Variants in MYO3B observed in about 807,000 individuals in gnomAD.
The protein encoded by MYO3B is myosin IIIB.
In MYO3B, 156 loss-of-function variants were observed where a neutral mutation model predicts 174.6. The ratio of observed to expected loss-of-function variants is 0.89; its 90% CI spans 0.78 to 1.02. The LOEUF is 1.02. MYO3B is among the 50% of genes least tolerant of loss of function. The pLI is 0.00. For missense variants in MYO3B, 1,632 were observed against 1,639.4 expected (o/e 1.00, Z 0.08); for synonymous variants, 563 against 569.1 (o/e 0.99, Z 0.15).
At chr2:170,476,334 C>G (rs969645612) in intron 25 of MYO3B, among the ~76,000 whole-genome samples, 2 of 152,208 alleles carry the variant, frequency 1.3e-5, no homozygotes, top group African/African-American at 4.8e-5. Flanking sequence ...CTCAGTGGAC[C>G]CTCTGCCTTT....
At chr2:170,305,289 T>A (rs1267855658) in intron 7 of MYO3B, among the ~76,000 whole-genome samples, 1 of 152,168 alleles carries the variant, frequency 6.6e-6, no homozygotes, top group Non-Finnish European at 1.5e-5. Flanking sequence ...TAGATATGCT[T>A]CTCTACTTTT....
At chr2:170,247,745 C>T (rs1344384595) in intron 7 of MYO3B, among the ~76,000 whole-genome samples, 2 of 152,128 alleles carry the variant, frequency 1.3e-5, no homozygotes, top group Admixed American at 6.5e-5. Context: ...ATGAGGGGGT[C>T]TCTCTTAGGC....
intron 32 of MYO3B, among the ~76,000 whole-genome samples, chr2:170,551,978 A>G (rs548016609): frequency 6.6e-6 from 1 of 152,156 alleles, no homozygotes; most frequent in South Asian, 2.1e-4. Context: ...CCCTTCTGCC[A>G]TGATTTTAAA....
chr2:170,303,628 C>T (rs2093680486), intron 7 of MYO3B, among the ~76,000 whole-genome samples: 1 of 151,640 alleles, frequency 6.6e-6, no homozygotes, highest in South Asian at 2.1e-4. Context: ...TGATTGCTTT[C>T]CTATTATTAA....
intron 23 of MYO3B, among the ~76,000 whole-genome samples, chr2:170,445,968 T>C (rs2094839032): frequency 1.4e-5 from 2 of 146,878 alleles, no homozygotes; most frequent in African/African-American, 5.0e-5. Context: ...GGCAGCATTT[T>C]AAACAGCAAA....
chr2:170,652,322 C>T (rs1699065056), intron 34 of MYO3B, among the ~76,000 whole-genome samples, 168 bp downstream of exon 34: 1 of 152,190 alleles, frequency 6.6e-6, no homozygotes, highest in South Asian at 2.1e-4. Context: ...GTATACAAAA[C>T]TTGAATCTAT....
chr2:170,541,024 A>G (rs1051005319), intron 30 of MYO3B, among the ~76,000 whole-genome samples: 1 of 152,200 alleles, frequency 6.6e-6, no homozygotes, highest in Non-Finnish European at 1.5e-5. Flanking sequence ...AACACACACA[A>G]ACATTACATT....
chr2:170,325,894 A>G (rs1009271930), intron 7 of MYO3B, among the ~76,000 whole-genome samples: 3 of 152,160 alleles, frequency 2.0e-5, no homozygotes, highest in Non-Finnish European at 4.4e-5. Context: ...TAATAAAGGT[A>G]TTATTTTGGA....
At chr2:170,302,149 G>T (rs2093670237) in intron 7 of MYO3B, among the ~76,000 whole-genome samples, 1 of 152,078 alleles carries the variant, frequency 6.6e-6, no homozygotes, top group Admixed American at 6.6e-5. Context: ...AATGAGGTCT[G>T]CATGACTTCT....
chr2:170,215,463 T>C (rs2092817528), intron 5 of MYO3B, among the ~76,000 whole-genome samples: 1 of 152,190 alleles, frequency 6.6e-6, no homozygotes, highest in Admixed American at 6.5e-5. Flanking sequence ...TTTTTTTAAG[T>C]TTATTGAAGG....
intron 16 of MYO3B, among the ~76,000 whole-genome samples, chr2:170,397,529 C>A (rs2094448421): frequency 6.6e-6 from 1 of 152,036 alleles, no homozygotes; most frequent in South Asian, 2.1e-4. Flanking sequence ...AGTAAATACA[C>A]CTTAATTTCT....
At chr2:170,288,282 G>A (rs1195498960) in intron 7 of MYO3B, among the ~76,000 whole-genome samples, 1 of 151,742 alleles carries the variant, frequency 6.6e-6, no homozygotes, top group Non-Finnish European at 1.5e-5. Flanking sequence ...TATTCTAATA[G>A]GGACTTCATT....
At chr2:170,441,200 TA>T (rs1212240233) in intron 22 of MYO3B, among the ~76,000 whole-genome samples, 1 of 152,254 alleles carries the variant, frequency 6.6e-6, no homozygotes. Flanking sequence ...TTTCTACATA[TA>T]AAATTGTGAA....
At chr2:170,202,856 A>G (rs1269926345) in intron 3 of MYO3B, among the ~76,000 whole-genome samples, 1 of 152,142 alleles carries the variant, frequency 6.6e-6, no homozygotes, top group Admixed American at 6.6e-5. Context: ...TTTGCTCTTT[A>G]TTTGCCTGAC....
At chr2:170,370,379 G>T (rs376502418) in intron 9 of MYO3B, among the ~76,000 whole-genome samples, 32 of 152,238 alleles carry the variant, frequency 2.1e-4, no homozygotes, top group African/African-American at 5.8e-4. Context: ...ATATTTTGCT[G>T]ATTTTTCTCC....
At chr2:170,277,424 A>G (rs2093471524) in intron 7 of MYO3B, among the ~76,000 whole-genome samples, 1 of 152,158 alleles carries the variant, frequency 6.6e-6, no homozygotes, top group African/African-American at 2.4e-5. Context: ...AAATACATCA[A>G]TTACTGGTTT....
At chr2:170,367,109 C>T (rs2094204654) in intron 8 of MYO3B, among the ~76,000 whole-genome samples, 2 of 152,148 alleles carry the variant, frequency 1.3e-5, no homozygotes, top group East Asian at 1.9e-4. Context: ...AGTCTCTGCC[C>T]CTGTGTTTAC....
intron 32 of MYO3B, among the ~76,000 whole-genome samples, chr2:170,587,593 T>C (rs952135247): frequency 1.3e-5 from 2 of 152,132 alleles, no homozygotes; most frequent in Non-Finnish European, 1.5e-5. Context: ...TTGAAAATAA[T>C]GAGACTCACA....
intron 32 of MYO3B, among the ~76,000 whole-genome samples, chr2:170,549,056 G>C (rs1690716395): frequency 6.6e-6 from 1 of 152,080 alleles, no homozygotes; most frequent in Admixed American, 6.5e-5. Flanking sequence ...AATCCCCTAT[G>C]AATAAAAGAA....
Sources: allele counts gnomAD v4.1 joint callset (sites outside exome capture counted in the v4.1 genomes callset), GRCh38; gene constraint gnomAD v4.1.1; transcripts MANE v1.5; gene names NCBI Gene and HGNC (gene_info 2026-07-23, HGNC 2026-07-21).